Variants in NRXN1 observed in about 807,000 individuals in gnomAD.
NRXN1 encodes neurexin-1.
NRXN1 carries 39 observed loss-of-function variants against 150.9 expected under a neutral mutation model. That is an observed-to-expected ratio of 0.26 (90% confidence interval 0.20 to 0.34). The LOEUF is 0.34. Ranked by LOEUF, NRXN1 falls within the 10% of genes least tolerant of loss-of-function variation. The probability of loss-of-function intolerance (pLI) is 1.00; values close to 1 mark genes in which losing one functional copy is unlikely to be tolerated. For synonymous variants in NRXN1, 924 were observed against 757.0 expected, an observed-to-expected ratio of 1.22 and a Z score of -3.62; for missense variants, 1,815 against 1,949.9, an observed-to-expected ratio of 0.93 and a Z score of 1.30.
At chr2:50,223,873 C>G (rs903936629) in intron 18 of NRXN1, among the ~76,000 whole-genome samples, 36 of 151,886 alleles carry the variant, frequency 2.4e-4, no homozygotes, top group African/African-American at 8.7e-4. Flanking sequence ...AGTCATGGCT[C>G]CAACCAGAGT....
At chr2:50,915,332 A>G (rs1685065744) in intron 5 of NRXN1, among the ~76,000 whole-genome samples, 1 of 151,608 alleles carries the variant, frequency 6.6e-6, no homozygotes, top group Admixed American at 6.6e-5. Context: ...TAATTTACAA[A>G]AAAAGTTTCA....
At chr2:50,503,316 A>G (rs957847730) in intron 13 of NRXN1, among the ~76,000 whole-genome samples, 3 of 138,414 alleles carry the variant, frequency 2.2e-5, no homozygotes, top group African/African-American at 8.9e-5. Flanking sequence ...TCAAAAAAAC[A>G]AAAAAAAAAA....
chr2:50,869,233 G>C (rs779579727), intron 5 of NRXN1, among the ~76,000 whole-genome samples: 1 of 151,522 alleles, frequency 6.6e-6, no homozygotes, highest in Non-Finnish European at 1.5e-5. Flanking sequence ...CTTTCTTCTG[G>C]AAAAACAAAC....
chr2:49,997,852 G>A (rs575200810), intron 21 of NRXN1, among the ~76,000 whole-genome samples: 21 of 152,194 alleles, frequency 1.4e-4, no homozygotes, highest in African/African-American at 4.3e-4. Flanking sequence ...CTGGGCCGCC[G>A]GGGTGCAAGG....
At chr2:50,939,119 G>GAGAATGGC (rs1041962651) in intron 2 of NRXN1, among the ~76,000 whole-genome samples, 14 of 149,156 alleles carry the variant, frequency 9.4e-5, no homozygotes, top group Non-Finnish European at 2.1e-4. Flanking sequence ...GCTGAGGCAG[G>GAGAATGGC]AGAATGGCAT....
intron 5 of NRXN1, among the ~76,000 whole-genome samples, chr2:50,888,271 G>C (rs1335576654): frequency 1.3e-5 from 2 of 151,598 alleles, no homozygotes; most frequent in African/African-American, 4.8e-5. Context: ...GAAGGGATTG[G>C]TCAAGATCAA....
chr2:50,312,454 T>C (rs1385027651), intron 17 of NRXN1, among the ~76,000 whole-genome samples: 1 of 151,954 alleles, frequency 6.6e-6, no homozygotes, highest in Non-Finnish European at 1.5e-5. Context: ...TTGGGAAACT[T>C]TGCAGTTTTT....
intron 13 of NRXN1, among the ~76,000 whole-genome samples, chr2:50,500,662 A>G (rs1009776157): frequency 1.3e-5 from 2 of 152,202 alleles, no homozygotes; most frequent in African/African-American, 4.8e-5. Context: ...TCTGATCACA[A>G]TATTTAAGGT....
chr2:50,930,728 C>T (rs903397845), intron 2 of NRXN1, among the ~76,000 whole-genome samples: 2 of 152,134 alleles, frequency 1.3e-5, no homozygotes, highest in Non-Finnish European at 2.9e-5. Context: ...GCACAGTCTA[C>T]AGTATGTGTG....
At chr2:50,681,078 CCA>C (rs1350748024) in intron 5 of NRXN1, among the ~76,000 whole-genome samples, 3 of 152,166 alleles carry the variant, frequency 2.0e-5, no homozygotes, top group Non-Finnish European at 4.4e-5. Context: ...CTACCAACAG[CCA>C]AGACATTAAA....
intron 21 of NRXN1, among the ~76,000 whole-genome samples, chr2:49,964,231 T>C (rs913567368): frequency 6.6e-6 from 1 of 152,214 alleles, no homozygotes; most frequent in Non-Finnish European, 1.5e-5. Flanking sequence ...GGGAGGTAAA[T>C]AGTTTCTGTT....
chr2:50,311,718 G>C, intron 17 of NRXN1, among the ~76,000 whole-genome samples: 1 of 152,058 alleles, frequency 6.6e-6, no homozygotes, highest in East Asian at 1.9e-4. Context: ...TATATAAAAA[G>C]TATTTGACTT....
At chr2:50,061,013 G>GT (rs1694445900) in intron 19 of NRXN1, among the ~76,000 whole-genome samples, 1 of 152,070 alleles carries the variant, frequency 6.6e-6, no homozygotes, top group Non-Finnish European at 1.5e-5. Context: ...GTATAAAATA[G>GT]TTCAGAATGT....
At chr2:50,872,077 C>T (rs1044675157) in intron 5 of NRXN1, among the ~76,000 whole-genome samples, 2 of 151,862 alleles carry the variant, frequency 1.3e-5, no homozygotes, top group African/African-American at 4.8e-5. Flanking sequence ...CTACCTTTAA[C>T]TCTTTCACAT....
intron 5 of NRXN1, among the ~76,000 whole-genome samples, chr2:50,776,689 T>C (rs962575617): frequency 1.1e-4 from 17 of 151,330 alleles, no homozygotes; most frequent in African/African-American, 4.1e-4. Context: ...TACATACTTA[T>C]GCCATCAGAG....
intron 8 of NRXN1, among the ~76,000 whole-genome samples, chr2:50,613,743 A>C (rs1032653537): frequency 2.6e-5 from 4 of 152,120 alleles, no homozygotes; most frequent in Non-Finnish European, 4.4e-5. Flanking sequence ...TCCAGACCAT[A>C]CTGGCTAACA....
Position 50,443,848 on chromosome 2 carries a change from C to T in NRXN1, c.3364+21594G>A, listed in dbSNP as rs181539669. On this transcript the variant is annotated intron_variant, in intron 17 of 22. Transcript: ENST00000401669. ...CAATATACACTTTATAAAATCTGTCCTCTGTTGTCTGTGGGGATTTTTTTC... is the reference window on the plus strand; with the variant it reads ...CAATATACACTTTATAAAATCTGTCTTCTGTTGTCTGTGGGGATTTTTTTC... Among the ~76,000 whole-genome samples the T allele has an allele frequency of 1.4e-4, 22 of 152,132 alleles. 1 individual carries two copies. In the East Asian group the frequency reaches 3.1e-3, roughly 21 times the overall value.
chr2:50,168,472 G>A (rs187941096), intron 18 of NRXN1, among the ~76,000 whole-genome samples: 194 of 152,294 alleles, frequency 1.3e-3, no homozygotes, highest in African/African-American at 4.5e-3. Context: ...AATGTAGAGA[G>A]AAGAGTGGAA....
At chr2:50,209,050 A>C (rs991557996) in intron 18 of NRXN1, among the ~76,000 whole-genome samples, 1 of 152,146 alleles carries the variant, frequency 6.6e-6, no homozygotes, top group Non-Finnish European at 1.5e-5. Context: ...AAGTCAAAAA[A>C]GTATGAGAAT....
Sources: allele counts gnomAD v4.1 joint callset (sites outside exome capture counted in the v4.1 genomes callset), GRCh38; gene constraint gnomAD v4.1.1; transcripts MANE v1.5; gene names NCBI Gene and HGNC (gene_info 2026-07-23, HGNC 2026-07-21).